The following SDK1 variants were observed in gnomAD, a reference collection of about 807,000 sequenced individuals.
SDK1 encodes the protein protein sidekick-1.
SDK1 carries 157 observed loss-of-function variants against 245.5 expected under a neutral mutation model. The ratio of observed to expected loss-of-function variants is 0.64; its 90% CI spans 0.56 to 0.73. SDK1 has a LOEUF of 0.73. SDK1 is among the 30% of genes least tolerant of loss of function. The probability of loss-of-function intolerance (pLI) is 0.00; values close to 1 mark genes in which losing one functional copy is unlikely to be tolerated. For missense variants in SDK1, 3,583 were observed against 3,002.3 expected, an observed-to-expected ratio of 1.19 and a Z score of -4.52; for synonymous variants, 1,647 against 1,278.5, an observed-to-expected ratio of 1.29 and a Z score of -6.15.
At chr7:3,506,534 C>G (rs1484358250) in intron 1 of SDK1, among the ~76,000 whole-genome samples, 1 of 152,130 alleles carries the variant, frequency 6.6e-6, no homozygotes, top group Admixed American at 6.6e-5. Context: ...GCTTTACTCT[C>G]TTGACTCTGA....
chr7:3,341,680 AAC>A (rs1422317686), intron 1 of SDK1, among the ~76,000 whole-genome samples: 2 of 152,222 alleles, frequency 1.3e-5, no homozygotes, highest in African/African-American at 4.8e-5. Context: ...TGAAATTAAA[AAC>A]ACAATGCCAT....
chr7:3,575,767 G>A (rs1051945344), intron 1 of SDK1, among the ~76,000 whole-genome samples: 1 of 151,998 alleles, frequency 6.6e-6, no homozygotes, highest in Non-Finnish European at 1.5e-5. Context: ...GTAGAAACAG[G>A]CTTCCCAGTC....
In SDK1 at chr7:3,448,062, A is replaced by G. The variant is rs186637014; in HGVS notation, c.298+146178A>G. 2.4e-3 allele frequency among the ~76,000 whole-genome samples: 359 copies of G among 152,246 alleles called. 2 individuals carry two copies. The highest frequency in any genetic ancestry group is 5.1e-3 in the Admixed American group (78 of 15,290). ...ATTTCCAGAGGGTAGGTTTCTGATA[A>G]TGGGACTGACAGTTCAAGGGATATG... On this transcript the variant is annotated intron_variant, in intron 1 of 44. Transcript: ENST00000404826.
chr7:3,327,847 G>A (rs545951984), intron 1 of SDK1, among the ~76,000 whole-genome samples: 2 of 152,172 alleles, frequency 1.3e-5, no homozygotes, highest in South Asian at 2.1e-4. Flanking sequence ...ATTACCCATC[G>A]AAAACTCATG....
chr7:3,557,242 A>G (rs1779616721), intron 1 of SDK1, among the ~76,000 whole-genome samples: 1 of 152,210 alleles, frequency 6.6e-6, no homozygotes, highest in Non-Finnish European at 1.5e-5. Context: ...CAAATCTGTA[A>G]TATCAAGAAT....
intron 1 of SDK1, chr7:3,338,636 A>C (rs925724696): frequency 5.8e-5 from 11 of 189,124 alleles, no homozygotes; most frequent in South Asian, 2.2e-4. Flanking sequence ...ACAAACAAAA[A>C]AAAACACCAA....
chr7:3,715,887 A>C (rs1785188073), intron 4 of SDK1, among the ~76,000 whole-genome samples: 1 of 152,236 alleles, frequency 6.6e-6, no homozygotes, highest in Admixed American at 6.5e-5. Context: ...GGGCGTCAGC[A>C]GCAAACTATT....
chr7:3,995,794 C>T (rs1020615246), intron 14 of SDK1, among the ~76,000 whole-genome samples: 1 of 149,500 alleles, frequency 6.7e-6, no homozygotes, highest in African/African-American at 2.5e-5. Flanking sequence ...TTCTTTGCCC[C>T]ATTTATCTAT....
At chr7:3,484,775 G>C (rs1455044335) in intron 1 of SDK1, among the ~76,000 whole-genome samples, 1 of 152,058 alleles carries the variant, frequency 6.6e-6, no homozygotes, top group Non-Finnish European at 1.5e-5. Context: ...GTCTTTCTGG[G>C]CCTGACTTTC....
intron 24 of SDK1, 36 bp downstream of exon 24, chr7:4,113,475 G>C (rs779204146): frequency 5.0e-6 from 8 of 1,608,970 alleles, no homozygotes; most frequent in Non-Finnish European, 6.8e-6. Flanking sequence ...GGAGGCACAC[G>C]GGTCCTGAGT....
intron 4 of SDK1, among the ~76,000 whole-genome samples, chr7:3,704,651 TTGA>T (rs1205601185): frequency 6.6e-6 from 1 of 152,132 alleles, no homozygotes; most frequent in Non-Finnish European, 1.5e-5. Context: ...CTGTTTACTC[TTGA>T]TGATTGTTTC....
intron 4 of SDK1, among the ~76,000 whole-genome samples, chr7:3,650,381 A>C (rs569249787): frequency 2.0e-5 from 3 of 152,326 alleles, no homozygotes; most frequent in East Asian, 1.9e-4. Flanking sequence ...TAGTCCCTGG[A>C]AACCACTGTT....
intron 1 of SDK1, among the ~76,000 whole-genome samples, chr7:3,377,169 A>G (rs952371002): frequency 1.3e-5 from 2 of 152,204 alleles, no homozygotes; most frequent in African/African-American, 2.4e-5. Context: ...GATATGAATT[A>G]GAGTTTTAAA....
chr7:3,330,359 C>G (rs1169612295), intron 1 of SDK1, among the ~76,000 whole-genome samples: 1 of 152,102 alleles, frequency 6.6e-6, no homozygotes, highest in Admixed American at 6.6e-5. Flanking sequence ...ATAATCATCT[C>G]CTGTGGTTTA....
chr7:3,419,383 T>G (rs1158356222), intron 1 of SDK1, among the ~76,000 whole-genome samples: 3 of 152,176 alleles, frequency 2.0e-5, no homozygotes, highest in East Asian at 3.9e-4. Context: ...CTCTTGTGCC[T>G]CTGCCCTTTT....
At chr7:3,527,174 A>G (rs935126857) in intron 1 of SDK1, among the ~76,000 whole-genome samples, 1 of 152,200 alleles carries the variant, frequency 6.6e-6, no homozygotes, top group Admixed American at 6.5e-5. Flanking sequence ...ATGTGTCAGC[A>G]TAGCAAATAT....
chr7:3,583,192 G>A (rs538977081), intron 1 of SDK1, among the ~76,000 whole-genome samples: 43 of 152,250 alleles, frequency 2.8e-4, no homozygotes, highest in African/African-American at 9.2e-4. Context: ...TACAGCTCTC[G>A]GGCTAATGAG....
intron 1 of SDK1, among the ~76,000 whole-genome samples, chr7:3,502,623 C>A (rs144268898): frequency 5.3e-5 from 8 of 152,172 alleles, no homozygotes; most frequent in Admixed American, 1.3e-4. Flanking sequence ...GATTTACATA[C>A]ATTTTCAGAA....
intron 14 of SDK1, among the ~76,000 whole-genome samples, chr7:3,990,576 G>A (rs1385413976): frequency 6.6e-6 from 1 of 152,186 alleles, no homozygotes; most frequent in African/African-American, 2.4e-5. Context: ...ATGGGACAGG[G>A]GAGAGCTCGT....
Sources: gnomAD v4.1 joint callset for allele counts (sites outside exome capture counted in the v4.1 genomes callset) on GRCh38, gnomAD v4.1.1 for gene constraint, MANE v1.5 for transcripts, NCBI Gene and HGNC (gene_info 2026-07-23, HGNC 2026-07-21) for gene names.